Variants in PTCSC3 observed in about 807,000 individuals in gnomAD.
PTCSC3 encodes papillary thyroid carcinoma susceptibility candidate 3.
intron 3 of PTCSC3, among the ~76,000 whole-genome samples, chr14:36,147,709 C>G (rs1881613211): frequency 6.6e-6 from 1 of 152,092 alleles, no homozygotes; most frequent in Non-Finnish European, 1.5e-5. Context: ...TGGTGAGGAA[C>G]TGCGTTCCTT....
chr14:36,166,605 G>A (rs980028878), intron 1 of PTCSC3, among the ~76,000 whole-genome samples: 1 of 151,882 alleles, frequency 6.6e-6, no homozygotes, highest in Admixed American at 6.6e-5. Flanking sequence ...ATGTCTGGGA[G>A]ATATTTCCTT....
intron 2 of PTCSC3, among the ~76,000 whole-genome samples, chr14:36,157,858 T>C (rs1051063328): frequency 6.6e-6 from 1 of 152,216 alleles, no homozygotes; most frequent in African/African-American, 2.4e-5. Context: ...TGTATGGCCA[T>C]TTTCATGATA....
intron 1 of PTCSC3, among the ~76,000 whole-genome samples, chr14:36,167,790 A>G (rs958213409): frequency 1.3e-5 from 2 of 152,190 alleles, no homozygotes; most frequent in Non-Finnish European, 2.9e-5. Flanking sequence ...TCAGAGGGGA[A>G]AAAACGCTCC....
At chr14:36,155,439 C>T (rs967756856) in intron 2 of PTCSC3, among the ~76,000 whole-genome samples, 4 of 152,064 alleles carry the variant, frequency 2.6e-5, no homozygotes, top group African/African-American at 9.7e-5. Context: ...TTAATGCATA[C>T]ACTCTTTATT....
intron 3 of PTCSC3, among the ~76,000 whole-genome samples, chr14:36,147,577 A>T (rs1235684223): frequency 3.3e-5 from 5 of 151,720 alleles, no homozygotes; most frequent in Non-Finnish European, 5.9e-5. Flanking sequence ...ATTTTTTTCA[A>T]AATTTTCAAC....
At chr14:36,142,369 T>C (rs896143318) in intron 3 of PTCSC3, among the ~76,000 whole-genome samples, 1 of 152,202 alleles carries the variant, frequency 6.6e-6, no homozygotes, top group Admixed American at 6.5e-5. Flanking sequence ...TTGTGATGGA[T>C]TGATTGATTT....
intron 1 of PTCSC3, among the ~76,000 whole-genome samples, chr14:36,167,786 G>A (rs1036334995): frequency 6.6e-6 from 1 of 151,966 alleles, no homozygotes; most frequent in Admixed American, 6.6e-5. Flanking sequence ...CCCGTCAGAG[G>A]GGAAAAAACG....
At chr14:36,138,178 G>T (rs1002239723) in intron 3 of PTCSC3, among the ~76,000 whole-genome samples, 1 of 79,066 alleles carries the variant, frequency 1.3e-5, no homozygotes, top group Admixed American at 1.3e-4. Flanking sequence ...TATCCATGTG[G>T]GGGAAAAATG....
chr14:36,146,172 T>C (rs911037403), intron 3 of PTCSC3, among the ~76,000 whole-genome samples: 65 of 144,450 alleles, frequency 4.5e-4, no homozygotes, highest in African/African-American at 1.6e-3. Flanking sequence ...TAGATGTCTA[T>C]TAGGTCCACT....
intron 1 of PTCSC3, among the ~76,000 whole-genome samples, chr14:36,171,781 G>A (rs766657693): frequency 1.4e-4 from 22 of 152,170 alleles, no homozygotes; most frequent in Non-Finnish European, 2.9e-4. Context: ...TGAGGAGGCT[G>A]GCTAGGTGGT....
At position 36,145,348 on chromosome 14, in the gene PTCSC3, G is replaced by T. The variant is rs998324534; in HGVS notation, n.322+8456C>A. Among the ~76,000 whole-genome samples the T allele has an allele frequency of 5.9e-5, 9 of 151,468 alleles. No homozygotes were observed. In the East Asian group the frequency reaches 7.8e-4, roughly 13 times the overall value. On this transcript the variant is annotated intron_variant and non_coding_transcript_variant, in intron 3 of 3. Coordinates refer to ENST00000556013, the Ensembl canonical transcript of PTCSC3. ...TGCCCCAATTTCAGATCCTGTTATT[G>T]GTCTATTCAGAGATTCAACTTCTTC...
chr14:36,158,405 C>G (rs61996589), intron 2 of PTCSC3, among the ~76,000 whole-genome samples: 13,311 of 152,088 alleles, frequency 0.088, 697 homozygotes, highest in Middle Eastern at 0.18. Context: ...ACAAATAGCT[C>G]TTATTATTTT....
intron 3 of PTCSC3, among the ~76,000 whole-genome samples, chr14:36,141,128 T>TG (rs759855962): frequency 6.6e-6 from 1 of 152,234 alleles, no homozygotes; most frequent in Non-Finnish European, 1.5e-5. Flanking sequence ...CACATCATCT[T>TG]GATAATTGTA....
intron 3 of PTCSC3, among the ~76,000 whole-genome samples, chr14:36,145,111 C>G (rs1292154500): frequency 1.5e-5 from 2 of 131,286 alleles, no homozygotes; most frequent in Non-Finnish European, 3.3e-5. Flanking sequence ...GGATATTGGT[C>G]TAAAATTCTC....
At chr14:36,150,423 G>A (rs1881694404) in intron 3 of PTCSC3, among the ~76,000 whole-genome samples, 1 of 152,196 alleles carries the variant, frequency 6.6e-6, no homozygotes, top group Admixed American at 6.5e-5. Context: ...TATTGAATCT[G>A]TTGGTGACTT....
At chr14:36,147,406 A>G (rs2139094043) in intron 3 of PTCSC3, among the ~76,000 whole-genome samples, 1 of 151,698 alleles carries the variant, frequency 6.6e-6, no homozygotes, top group South Asian at 2.1e-4. Context: ...CCTTCATTTC[A>G]TTCATTTCAT....
At chr14:36,145,168 G>A (rs1474981936) in intron 3 of PTCSC3, among the ~76,000 whole-genome samples, 1 of 144,640 alleles carries the variant, frequency 6.9e-6, no homozygotes, top group African/African-American at 2.6e-5. Context: ...GATGACGCTG[G>A]CCTCATAAGA....
intron 3 of PTCSC3, among the ~76,000 whole-genome samples, chr14:36,147,516 G>T (rs1398345072): frequency 1.3e-5 from 2 of 152,058 alleles, no homozygotes; most frequent in East Asian, 1.9e-4. Flanking sequence ...GGCTCCATCA[G>T]CTCCTTTAAG....
At chr14:36,165,212 GAGC>G (rs1320884194) in intron 1 of PTCSC3, 3 of 152,156 alleles carry the variant, frequency 2.0e-5, no homozygotes, top group African/African-American at 7.2e-5. Flanking sequence ...GCAGTAGATA[GAGC>G]AGTTTATAAG....
Sources: gnomAD v4.1 joint callset for allele counts (sites outside exome capture counted in the v4.1 genomes callset) on GRCh38, gnomAD v4.1.1 for gene constraint, MANE v1.5 for transcripts, NCBI Gene and HGNC (gene_info 2026-07-23, HGNC 2026-07-21) for gene names.